The following ESAM variants were observed in gnomAD, a reference collection of about 807,000 sequenced individuals.
The protein encoded by ESAM is endothelial cell adhesion molecule.
Under a neutral mutation model 31.8 loss-of-function variants are expected in ESAM, and 23 were observed. The observed-to-expected ratio is 0.72, with a 90% CI of 0.52 to 1.03. The LOEUF is 1.03. Ranked by LOEUF, ESAM falls within the 50% of genes least tolerant of loss-of-function variation. The probability of loss-of-function intolerance (pLI) is 0.00; values close to 1 mark genes in which losing one functional copy is unlikely to be tolerated. For synonymous variants in ESAM, 216 were observed against 207.2 expected, an observed-to-expected ratio of 1.04 and a Z score of -0.37; for missense variants, 478 against 488.9, an observed-to-expected ratio of 0.98 and a Z score of 0.21.
intron 2 of ESAM, 67 bp downstream of exon 2, chr11:124,758,282 C>T: frequency 6.3e-7 from 1 of 1,592,886 alleles, no homozygotes; most frequent in Non-Finnish European, 8.6e-7. Context: ...CCCACCGCTA[C>T]CAGCTCTTTG....
intron 1 of ESAM, among the ~76,000 whole-genome samples, chr11:124,761,233 C>A (rs978850360): frequency 1.2e-4 from 18 of 152,158 alleles, no homozygotes; most frequent in African/African-American, 3.1e-4. Context: ...AGCTGAGGGA[C>A]AGCAAGTGAA....
At position 124,753,815 on chromosome 11, in the gene ESAM, G is replaced by T. The variant is rs757453353; in HGVS notation, c.1004C>A (p.Pro335His). The change falls in exon 7 of 7, where the codon CCC becomes CAC. Residue 335 changes from proline (P) to histidine (H), a missense_variant. By Grantham distance (77) the Pro-to-His change is moderately conservative. Coordinates refer to ENST00000278927, the MANE Select transcript of ESAM (RefSeq NM_138961.3). ...GGGCAGGGCCTGGCTGGAGAGACTGGGCGTGGGGGTCAATGCACCAGGCCT... is the reference window on the plus strand; with the variant it reads ...GGGCAGGGCCTGGCTGGAGAGACTGTGCGTGGGGGTCAATGCACCAGGCCT... ...PPRPGALTPT[P>H]SLSSQALPSP... 6.2e-7 allele frequency: 1 copy of T among 1,613,660 alleles called. No individual in the cohort carries two copies. Among genetic ancestry groups the T allele is most frequent in the Non-Finnish European group, 8.5e-7 (1 of 1,179,758 alleles).
chr11:124,757,891 G>C (rs1005735833), intron 2 of ESAM, among the ~76,000 whole-genome samples: 3 of 151,972 alleles, frequency 2.0e-5, no homozygotes, highest in African/African-American at 7.3e-5. Flanking sequence ...AGAGACGGGG[G>C]TTTCACCATA....
At position 124,758,522 on chromosome 11, in the gene ESAM, G is replaced by A. The variant is rs1316403373; in HGVS notation, c.76C>T (p.Pro26Ser). The A allele has an allele frequency of 6.4e-7, 1 of 1,557,552 alleles. No individual in the cohort carries two copies. Among genetic ancestry groups the A allele is most frequent in the Non-Finnish European group, 8.7e-7 (1 of 1,151,932 alleles). The change falls in exon 2 of 7, where the codon CCC becomes TCC. Residue 26 changes from proline to serine, a missense_variant. By Grantham distance (74) the Pro-to-Ser change is moderately conservative. Coordinates refer to ENST00000278927, the MANE Select transcript of ESAM (RefSeq NM_138961.3). Reference sequence around the variant, plus strand: ...TGCAGTTGCAGCTGGGCCCGCGAGGGGGGCGCTGGAGACAAGAGCGAGGCG... The same window carrying A: ...TGCAGTTGCAGCTGGGCCCGCGAGGAGGGCGCTGGAGACAAGAGCGAGGCG... ...LFLGLSALAPPSRAQLQLHLP... is the reference protein window; with the variant it reads ...LFLGLSALAPSSRAQLQLHLP...
chr11:124,760,914 A>G (rs150722953), intron 1 of ESAM, among the ~76,000 whole-genome samples: 1 of 152,290 alleles, frequency 6.6e-6, no homozygotes, highest in South Asian at 2.1e-4. Flanking sequence ...GGGATCCTGG[A>G]GCAGGCCCAC....
chr11:124,756,398 G>A (rs769403685), intron 3 of ESAM, 36 bp from the exon 4 acceptor site: 3 of 1,576,314 alleles, frequency 1.9e-6, no homozygotes, highest in Admixed American at 3.6e-5. Flanking sequence ...CCACACCCAG[G>A]AGACCCACAG....
At position 124,753,489 on chromosome 11, in the gene ESAM, T is replaced by A; in HGVS notation, c.*157A>T. 3.9e-6 allele frequency: 3 copies of A among 772,284 alleles called. No individual in the cohort carries two copies. Among genetic ancestry groups the A allele is most frequent in the Non-Finnish European group, 6.1e-6 (3 of 492,618 alleles). The allele number at this position is 772,284 out of a possible 1,614,324, so 47.8% of individuals were successfully genotyped here. A position where few individuals can be genotyped will look rare whatever the true frequency, so the allele number is the denominator to read the frequency against. On this transcript the variant is annotated 3_prime_UTR_variant, in exon 7 of 7. Coordinates refer to ENST00000278927, the MANE Select transcript of ESAM (RefSeq NM_138961.3). ...TCCTTCTGTCTCCTGGACACTTAGG[T>A]CTTACTGAGATGGTTTTCCCACAGT...
At chr11:124,758,205 T>C (rs1944179061) in intron 2 of ESAM, 144 bp downstream of exon 2, 2 of 890,914 alleles carry the variant, frequency 2.2e-6, no homozygotes, top group Admixed American at 2.8e-5. Context: ...GAACAAAAAC[T>C]GAACTGGTGA....
chr11:124,761,875 G>T (rs1043174497), intron 1 of ESAM, among the ~76,000 whole-genome samples: 2 of 151,980 alleles, frequency 1.3e-5, no homozygotes, highest in Admixed American at 6.5e-5. Flanking sequence ...ACCTCCCCCC[G>T]CCATCCGCCC....
chr11:124,761,230 G>A (rs1229336600), intron 1 of ESAM, among the ~76,000 whole-genome samples: 1 of 152,100 alleles, frequency 6.6e-6, no homozygotes, highest in East Asian at 1.9e-4. Context: ...GAAAGCTGAG[G>A]GACAGCAAGT....
At chr11:124,757,347 C>G (rs573572184) in intron 2 of ESAM, 31 of 155,306 alleles carry the variant, frequency 2.0e-4, no homozygotes, top group African/African-American at 6.7e-4. Context: ...GGAAGGATTA[C>G]TTGAGCAGGA....
rs141027463 is a variant in ESAM, at chr11:124,753,746, A to G, written c.1073T>C (p.Ile358Thr). 1.2e-6 allele frequency: 2 copies of G among 1,614,050 alleles called. No individual in the cohort carries two copies. The highest frequency in any genetic ancestry group is 1.1e-5 in the South Asian group (1 of 91,072). Residue 358 changes from isoleucine to threonine, a missense_variant, in exon 7 of 7, where the codon ATA becomes ACA. Transcript: ENST00000278927. ...AGAAACCCCACCAGGGATGGGGGAT[A>G]TTGGTTGAGGGTGGGCCCCATCTGT... is the stretch of plus-strand genomic sequence containing the variant. ...PTTDGAHPQPISPIPGGVSSS... is the reference protein window; with the variant it reads ...PTTDGAHPQPTSPIPGGVSSS...
Position 124,756,718 on chromosome 11 carries a change from T to G in ESAM, c.274A>C (p.Thr92Pro), listed in dbSNP as rs753098361. ...AAGGATACTCCAGGTTTGCTTGTTG[T>G]GACCCCATTGATGTAGGACAACACC... ...DQVLSYINGV[T>P]TSKPGVSLVY... is the part of the protein sequence containing the mutation. The change falls in exon 3 of 7, where the codon ACA (threonine) becomes CCA (proline). Residue 92 changes from threonine (T) to proline (P), a missense_variant. Coordinates refer to ENST00000278927, the MANE Select transcript of ESAM (RefSeq NM_138961.3). 3.1e-6 allele frequency: 5 copies of G among 1,614,188 alleles called. No individual in the cohort carries two copies. The South Asian group carries it at 4.4e-5, about 14-fold the overall frequency.
chr11:124,754,104 G>A lies in ESAM; in HGVS notation c.857+110C>T. ...TCCCTTAAAACCTGCCCATAGGAATGATGTTTCAGCCACTGACCCCATCCC... is the reference window on the plus strand; with the variant it reads ...TCCCTTAAAACCTGCCCATAGGAATAATGTTTCAGCCACTGACCCCATCCC... On this transcript the variant is annotated intron_variant, in intron 6 of 6. Transcript: ENST00000278927. The surrounding 1 kb of genome is among the most constrained non-coding windows in gnomAD (Gnocchi z 4.5). 1 of 1,555,120 alleles carries A rather than the reference G, an allele frequency of 6.4e-7. No individual in the cohort carries two copies. Among genetic ancestry groups the A allele is most frequent in the Non-Finnish European group, 8.7e-7 (1 of 1,148,090 alleles).
Position 124,762,014 on chromosome 11 carries a change from A to G in ESAM, c.70+71T>C. On this transcript the variant is annotated intron_variant, in intron 1 of 6. Transcript: ENST00000278927. The surrounding 1 kb of genome is among the most constrained non-coding windows in gnomAD (Gnocchi z 6.4). Reference sequence around the variant, plus strand: ...GGACCCAGTTCCGCAGCAGTGGCCAAAGTTCTCCCTCAGGGTCGAACTCAC... The same window carrying G: ...GGACCCAGTTCCGCAGCAGTGGCCAGAGTTCTCCCTCAGGGTCGAACTCAC... 7.1e-7 allele frequency: 1 copy of G among 1,413,068 alleles called. No individual in the cohort carries two copies. The highest frequency in any genetic ancestry group is 1.2e-5 in the South Asian group (1 of 82,460). The allele number at this position is 1,413,068 out of a possible 1,614,324, so 87.5% of individuals were successfully genotyped here.
rs79775555 is a variant in ESAM at position 124,754,810 on chromosome 11, A to T, written c.608-47T>A. ...CAGTCCAGGGACCCTCTTTCCCATT[A>T]AAAAAAAAAAAAAATCTTGTCCCTC... is the stretch of plus-strand genomic sequence containing the variant. On this transcript the variant is annotated intron_variant, in intron 4 of 6. Transcript: ENST00000278927. This position sits in a 1 kb window ranked among gnomAD's most constrained non-coding sequence, Gnocchi z 4.5. 53 of 196,370 alleles carry T rather than the reference A, an allele frequency of 2.7e-4. No homozygotes were observed. The highest frequency in any genetic ancestry group is 4.2e-4 in the Non-Finnish European group (46 of 109,212). 12.2% of individuals were successfully genotyped at this position (196,370 alleles called of 1,614,324 possible).
At position 124,756,548 on chromosome 11, in the gene ESAM, A is replaced by C. The variant is rs747454072; in HGVS notation, c.444T>G (p.Asn148Lys). 9.3e-6 allele frequency: 15 copies of C among 1,613,928 alleles called. No individual in the cohort carries two copies. Among genetic ancestry groups the C allele is most frequent in the Middle Eastern group, 1.7e-4 (1 of 6,060 alleles). Residue 148 changes from asparagine (N) to lysine (K), a missense_variant, in exon 3 of 7, where the codon AAT (asparagine) becomes AAG (lysine). Physicochemically the swap from Asn to Lys is moderately conservative, Grantham distance 94. Coordinates refer to ENST00000278927, the MANE Select transcript of ESAM (RefSeq NM_138961.3). ...RGHSIKTLEL[N>K]VLVPPAPPSC... ...AATCTGCTTCTCACTCACCCAGTAC[A>C]TTGAGTTCTAAGGTTTTGATGCTGT... is the stretch of plus-strand genomic sequence containing the variant.
chr11:124,756,836 A>C, intron 2 of ESAM, 94 bp from the exon 3 acceptor site: 1 of 1,331,824 alleles, frequency 7.5e-7, no homozygotes, highest in Non-Finnish European at 1.1e-6. Flanking sequence ...CGCATTCTCC[A>C]AATGCCCCTC....
intron 3 of ESAM, 62 bp from the exon 4 acceptor site, chr11:124,756,424 C>T: frequency 1.3e-6 from 2 of 1,579,228 alleles, no homozygotes; most frequent in South Asian, 2.4e-5. Context: ...CTCCCTCTGC[C>T]CTGCACCCTT....
Sources: allele counts gnomAD v4.1 joint callset (sites outside exome capture counted in the v4.1 genomes callset), GRCh38; gene constraint gnomAD v4.1.1; non-coding constraint Gnocchi (gnomAD v3.1); transcripts MANE v1.5; gene names NCBI Gene and HGNC (gene_info 2026-07-23, HGNC 2026-07-21).